The following ST6GAL1 variants were observed in gnomAD, a reference collection of about 807,000 sequenced individuals.
ST6GAL1 encodes beta-galactoside alpha-2,6-sialyltransferase 1.
ST6GAL1 carries 20 observed loss-of-function variants against 38.0 expected under a neutral mutation model. That is an observed-to-expected ratio of 0.53 (90% CI 0.37 to 0.77). The LOEUF (loss-of-function observed/expected upper bound fraction) is 0.77, where lower values mean the gene tolerates loss of function less well. ST6GAL1 is among the 30% of genes least tolerant of loss of function. ST6GAL1 has a pLI of 0.00. For synonymous variants in ST6GAL1, 196 were observed against 188.2 expected (o/e 1.04, Z -0.34); for missense variants, 432 against 496.4 (o/e 0.87, Z 1.23).
chr3:186,958,498 G>A (rs1366247377), intron 1 of ST6GAL1, among the ~76,000 whole-genome samples: 1 of 152,072 alleles, frequency 6.6e-6, no homozygotes, highest in South Asian at 2.1e-4. Context: ...ATATAAGCGT[G>A]CTATTTAGAT....
chr3:186,973,236 A>T (rs1715410064), intron 2 of ST6GAL1, among the ~76,000 whole-genome samples: 1 of 152,094 alleles, frequency 6.6e-6, no homozygotes, highest in Non-Finnish European at 1.5e-5. Flanking sequence ...GGGTTTCACC[A>T]TGTTAGTCAG....
At chr3:186,966,727 C>T (rs1199159805) in intron 2 of ST6GAL1, among the ~76,000 whole-genome samples, 1 of 152,194 alleles carries the variant, frequency 6.6e-6, no homozygotes, top group East Asian at 1.9e-4. Context: ...GTAGTCCTCT[C>T]ATTCAGCTGA....
At chr3:187,009,286 T>G (rs938268631) in intron 2 of ST6GAL1, among the ~76,000 whole-genome samples, 1 of 152,178 alleles carries the variant, frequency 6.6e-6, no homozygotes, top group Non-Finnish European at 1.5e-5. Flanking sequence ...CGTATTTTTT[T>G]AAAGGTACAT....
At chr3:187,017,530 C>G (rs1195265988) in intron 2 of ST6GAL1, among the ~76,000 whole-genome samples, 15 of 152,192 alleles carry the variant, frequency 9.9e-5, no homozygotes. Flanking sequence ...GCTCTCAGGA[C>G]AGACTTGAAC....
intron 1 of ST6GAL1, among the ~76,000 whole-genome samples, chr3:186,938,776 A>G (rs1384293709): frequency 1.3e-5 from 2 of 152,150 alleles, no homozygotes; most frequent in African/African-American, 2.4e-5. Context: ...CTTGGCTTCA[A>G]CTATGACTGA....
intron 5 of ST6GAL1, among the ~76,000 whole-genome samples, chr3:187,060,441 G>A (rs150903398): frequency 1.1e-4 from 16 of 152,288 alleles, no homozygotes; most frequent in African/African-American, 3.1e-4. Flanking sequence ...GATTACAGGC[G>A]TGAGCCACCT....
chr3:187,014,667 G>C (rs1325166849), intron 2 of ST6GAL1, among the ~76,000 whole-genome samples: 1 of 152,256 alleles, frequency 6.6e-6, no homozygotes, highest in Non-Finnish European at 1.5e-5. Context: ...GCACTGGCAT[G>C]ATTGCAATAC....
At chr3:187,051,532 A>C in intron 5 of ST6GAL1, 186 bp downstream of exon 5, 1 of 574,356 alleles carries the variant, frequency 1.7e-6, no homozygotes, top group Non-Finnish European at 3.1e-6. Context: ...TGTTTATTTA[A>C]AGAAAAACCC....
intron 1 of ST6GAL1, among the ~76,000 whole-genome samples, chr3:186,955,785 G>A (rs1199282911): frequency 6.6e-6 from 1 of 152,196 alleles, no homozygotes; most frequent in Non-Finnish European, 1.5e-5. Flanking sequence ...ACAGGCGTGA[G>A]CCACCATGCC....
chr3:187,065,983 G>A (rs2108598345), intron 5 of ST6GAL1, among the ~76,000 whole-genome samples: 1 of 151,840 alleles, frequency 6.6e-6, no homozygotes, highest in South Asian at 2.1e-4. Context: ...GGTTCTAGGT[G>A]TTTGCCACCA....
At chr3:187,066,188 T>A (rs2108598733) in intron 5 of ST6GAL1, among the ~76,000 whole-genome samples, 1 of 152,284 alleles carries the variant, frequency 6.6e-6, no homozygotes, top group South Asian at 2.1e-4. Flanking sequence ...ATATCATAAT[T>A]GGAGCTAAAA....
intron 1 of ST6GAL1, among the ~76,000 whole-genome samples, chr3:186,939,634 T>C (rs1359994946): frequency 1.3e-5 from 2 of 152,226 alleles, no homozygotes; most frequent in Non-Finnish European, 2.9e-5. Context: ...TAAATCAGAC[T>C]CGAGCCCAGC....
At chr3:186,937,011 A>G (rs1713982563) in intron 1 of ST6GAL1, among the ~76,000 whole-genome samples, 1 of 151,846 alleles carries the variant, frequency 6.6e-6, no homozygotes, top group Non-Finnish European at 1.5e-5. Context: ...GTACAAAAAA[A>G]CATAGAGAAA....
At chr3:186,975,604 A>G (rs6785668) in intron 2 of ST6GAL1, among the ~76,000 whole-genome samples, 1,787 of 152,208 alleles carry the variant, frequency 0.012, 32 homozygotes, top group African/African-American at 0.04. Flanking sequence ...GTGTTCTTCC[A>G]TGGCCTCTTT....
intron 1 of ST6GAL1, among the ~76,000 whole-genome samples, chr3:186,934,210 G>A (rs1713858838): frequency 6.6e-6 from 1 of 152,160 alleles, no homozygotes; most frequent in South Asian, 2.1e-4. Context: ...GAGGGGTTTG[G>A]GGTCATCTTC....
Position 187,075,574 on chromosome 3 carries a change from T to C in ST6GAL1, c.992T>C (p.Met331Thr). The change falls in exon 8 of 8, where the codon ATG becomes ACG. Residue 331 changes from methionine to threonine, a missense_variant. Transcript: ENST00000169298. The surrounding 1 kb of genome is among the most constrained non-coding windows in gnomAD (Gnocchi z 4.1). ...PSSGMLGIII[M>T]MTLCDQVDIY... ...CTCCCCTCTCCAGGTATCATCATCA[T>C]GATGACGCTGTGTGACCAGGTGGAT... The C allele has an allele frequency of 6.2e-7, 1 of 1,614,172 alleles. No individual in the cohort carries two copies. Among genetic ancestry groups the C allele is most frequent in the Non-Finnish European group, 8.5e-7 (1 of 1,180,016 alleles).
chr3:186,969,057 T>G (rs554606292), intron 2 of ST6GAL1, among the ~76,000 whole-genome samples: 1 of 147,888 alleles, frequency 6.8e-6, no homozygotes, highest in Non-Finnish European at 1.5e-5. Context: ...TTTTCTTTTT[T>G]TTTTTTTTTT....
At chr3:187,022,271 G>C (rs1717344018) in intron 2 of ST6GAL1, among the ~76,000 whole-genome samples, 1 of 152,052 alleles carries the variant, frequency 6.6e-6, no homozygotes, top group South Asian at 2.1e-4. Context: ...CACACATATG[G>C]TCACATAAGT....
intron 5 of ST6GAL1, among the ~76,000 whole-genome samples, chr3:187,063,599 A>T (rs1718994612): frequency 6.6e-6 from 1 of 152,310 alleles, no homozygotes; most frequent in South Asian, 2.1e-4. Flanking sequence ...AGGAGAGGGG[A>T]GAGGGGAGGA....
Sources: allele counts gnomAD v4.1 joint callset (sites outside exome capture counted in the v4.1 genomes callset), GRCh38; gene constraint gnomAD v4.1.1; non-coding constraint Gnocchi (gnomAD v3.1); transcripts MANE v1.5; gene names NCBI Gene and HGNC (gene_info 2026-07-23, HGNC 2026-07-21).